Variants in SNX8 observed in about 807,000 individuals in gnomAD.
SNX8 encodes sorting nexin-8.
A neutral mutation model predicts 51.6 loss-of-function variants in SNX8; 25 were observed. That is an observed-to-expected ratio of 0.48 (90% CI 0.35 to 0.68). The LOEUF (loss-of-function observed/expected upper bound fraction) is 0.68. Ranked by LOEUF, SNX8 falls within the 30% of genes least tolerant of loss-of-function variation. The pLI is 0.00. For synonymous variants in SNX8, 324 were observed against 277.0 expected (o/e 1.17, Z -1.68); for missense variants, 695 against 624.0 (o/e 1.11, Z -1.21).
intron 1 of SNX8, among the ~76,000 whole-genome samples, chr7:2,338,985 A>C (rs1156736325): frequency 6.6e-6 from 1 of 152,096 alleles, no homozygotes; most frequent in Admixed American, 6.6e-5. Flanking sequence ...ATCCCAGCTC[A>C]CTGCAGCCTC....
At chr7:2,268,608 G>A (rs1795553361) in intron 5 of SNX8, among the ~76,000 whole-genome samples, 2 of 134,628 alleles carry the variant, frequency 1.5e-5, no homozygotes, top group South Asian at 2.5e-4. Context: ...GGGGGGGTCA[G>A]CCCTCCGCCC....
At chr7:2,257,268 A>C (rs1461035858) in intron 9 of SNX8, 97 bp downstream of exon 9, 2 of 1,417,772 alleles carry the variant, frequency 1.4e-6, no homozygotes, top group Admixed American at 2.1e-5. Context: ...AGACACAAGG[A>C]GCCAACCCAG....
intron 1 of SNX8, among the ~76,000 whole-genome samples, chr7:2,331,797 T>C (rs1366126137): frequency 6.6e-6 from 1 of 151,386 alleles, no homozygotes; most frequent in African/African-American, 2.4e-5. Context: ...CAAGAATTGC[T>C]TGAACCCAGG....
intron 5 of SNX8, among the ~76,000 whole-genome samples, chr7:2,268,663 C>A (rs1460402515): frequency 1.2e-5 from 1 of 83,474 alleles, no homozygotes; most frequent in Non-Finnish European, 2.6e-5. Context: ...TCTGCCCGGC[C>A]GCCCCTACTG....
chr7:2,280,736 G>A (rs1255158567), intron 1 of SNX8, among the ~76,000 whole-genome samples: 2 of 150,710 alleles, frequency 1.3e-5, no homozygotes, highest in Non-Finnish European at 2.9e-5. Context: ...CTATGTACAA[G>A]TTCCAATCAT....
chr7:2,295,440 C>A (rs1584713621), intron 1 of SNX8, among the ~76,000 whole-genome samples: 2 of 147,292 alleles, frequency 1.4e-5, no homozygotes, highest in East Asian at 4.0e-4. Flanking sequence ...CACGGAGGCA[C>A]ACACCTGTAA....
In SNX8 at chr7:2,272,013, C is replaced by T. The variant is rs117285468; in HGVS notation, c.419-42G>A. On this transcript the variant is annotated intron_variant, in intron 3 of 10. Coordinates refer to ENST00000222990, the MANE Select transcript of SNX8 (RefSeq NM_013321.4). ...GGTCACTGGACAGAGTCCAGGGCGC[C>T]GGCCCCCATCTTCTGCTCTGGGCGA... The T allele has an allele frequency of 4.5e-4, 727 of 1,608,472 alleles. 17 individuals carry two copies. In the East Asian group the frequency reaches 0.014, roughly 32 times the overall value.
At chr7:2,329,043 G>A (rs1217118027) in intron 1 of SNX8, among the ~76,000 whole-genome samples, 4 of 151,108 alleles carry the variant, frequency 2.6e-5, no homozygotes, top group African/African-American at 4.9e-5. Flanking sequence ...CCGAGATCAC[G>A]CCACTGCACT....
chr7:2,286,115 G>A (rs753914146), intron 1 of SNX8, among the ~76,000 whole-genome samples: 4 of 151,280 alleles, frequency 2.6e-5, no homozygotes, highest in Non-Finnish European at 4.4e-5. Context: ...AGGTTCAAGC[G>A]ATTCTCCTGC....
At chr7:2,346,921 CAAA>C (rs758069233) in intron 1 of SNX8, among the ~76,000 whole-genome samples, 1 of 49,766 alleles carries the variant, frequency 2.0e-5, no homozygotes, top group Non-Finnish European at 5.0e-5. Flanking sequence ...GACTCCGTCT[CAAA>C]AAAAAAAAAA....
chr7:2,290,060 G>C (rs975349382), intron 1 of SNX8, among the ~76,000 whole-genome samples: 1 of 152,216 alleles, frequency 6.6e-6, no homozygotes, highest in African/African-American at 2.4e-5. Context: ...GGGCGTGGTG[G>C]TGCGCACCTG....
At chr7:2,340,856 CAAAAAAAAAAAAAAA>C (rs71026503) in intron 1 of SNX8, among the ~76,000 whole-genome samples, 1 of 45,132 alleles carries the variant, frequency 2.2e-5, no homozygotes, top group East Asian at 8.4e-4. Flanking sequence ...GGCTGCTTCT[CAAAAAAAAAAAAAAA>C]AAAAAAAAAA....
intron 7 of SNX8, among the ~76,000 whole-genome samples, chr7:2,258,123 G>C (rs1487687942): frequency 1.3e-5 from 2 of 150,448 alleles, no homozygotes; most frequent in Non-Finnish European, 2.9e-5. Flanking sequence ...CCATTCTCCT[G>C]CCTCAGCCTC....
chr7:2,322,612 T>C (rs563612206), intron 1 of SNX8, among the ~76,000 whole-genome samples: 1 of 152,204 alleles, frequency 6.6e-6, no homozygotes, highest in African/African-American at 2.4e-5. Context: ...GAGAATCGCT[T>C]GAACCCAGGA....
At chr7:2,303,521 A>C (rs372601225) in intron 1 of SNX8, among the ~76,000 whole-genome samples, 1 of 152,254 alleles carries the variant, frequency 6.6e-6, no homozygotes, top group Non-Finnish European at 1.5e-5. Context: ...AGGGCGGGAA[A>C]GGTGGGGAAA....
rs1359126172 is a variant in SNX8, at chr7:2,338,639, T to C, written c.-66+15583A>G. Among the ~76,000 whole-genome samples the C allele has an allele frequency of 4.6e-5, 7 of 151,812 alleles. No individual in the cohort carries two copies. The East Asian group carries it at 1.4e-3, about 29-fold the overall frequency. ...ACAGAGCAAGACTGTCTCAAAAAAA[T>C]AAAAAATATTGGGAAGGAAGAAATA... On this transcript the variant is annotated intron_variant, in intron 1 of 5. Transcript: ENST00000435336.
intron 1 of SNX8, among the ~76,000 whole-genome samples, chr7:2,292,412 TTC>T (rs1796169908): frequency 6.6e-6 from 1 of 151,852 alleles, no homozygotes; most frequent in Non-Finnish European, 1.5e-5. Flanking sequence ...AGGCAAAGAC[TTC>T]TTTTTTTTTT....
intron 7 of SNX8, 58 bp from the exon 8 acceptor site, chr7:2,257,861 G>A (rs998299688): frequency 1.0e-5 from 16 of 1,529,350 alleles, no homozygotes; most frequent in African/African-American, 2.7e-5. Flanking sequence ...GTCCCTGCCC[G>A]GGAACTCAGA....
At chr7:2,271,324 GGGCCACTGTA>G (rs1252118959) in intron 4 of SNX8, among the ~76,000 whole-genome samples, 2 of 152,232 alleles carry the variant, frequency 1.3e-5, no homozygotes, top group African/African-American at 4.8e-5. Context: ...TTAGAGGCGT[GGGCCACTGTA>G]CCTGCGAACT....
Sources: allele counts gnomAD v4.1 joint callset (sites outside exome capture counted in the v4.1 genomes callset), GRCh38; gene constraint gnomAD v4.1.1; transcripts MANE v1.5; gene names NCBI Gene and HGNC (gene_info 2026-07-23, HGNC 2026-07-21).